NCAM2: variants seen among roughly 807,000 people sequenced by gnomAD.
NCAM2 encodes neural cell adhesion molecule 2.
A neutral mutation model predicts 98.1 loss-of-function variants in NCAM2; 30 were observed. The observed-to-expected ratio is 0.31, with a 90% CI of 0.23 to 0.41. The LOEUF is 0.41. Ranked by LOEUF, NCAM2 falls within the 10% of genes least tolerant of loss-of-function variation. The pLI, the probability that NCAM2 is intolerant of heterozygous loss-of-function variation, is 1.00. For synonymous variants in NCAM2, 368 were observed against 342.4 expected, an observed-to-expected ratio of 1.07 and a Z score of -0.83; for missense variants, 867 against 1,005.8, an observed-to-expected ratio of 0.86 and a Z score of 1.87.
At chr21:21,129,598 TG>T (rs1429264428) in intron 1 of NCAM2, among the ~76,000 whole-genome samples, 1 of 152,146 alleles carries the variant, frequency 6.6e-6, no homozygotes, top group Non-Finnish European at 1.5e-5. Context: ...ATTCAGCGTC[TG>T]GTGAGGGCTG....
chr21:21,505,703 G>T (rs989993700), intron 15 of NCAM2, among the ~76,000 whole-genome samples: 14 of 151,814 alleles, frequency 9.2e-5, no homozygotes, highest in African/African-American at 3.4e-4. Context: ...ATAGTTTAAT[G>T]TTTAACATTA....
At chr21:21,267,722 T>C (rs563443362) in intron 1 of NCAM2, among the ~76,000 whole-genome samples, 4 of 152,324 alleles carry the variant, frequency 2.6e-5, no homozygotes, top group Admixed American at 6.5e-5. Flanking sequence ...GAAGAGTTAC[T>C]ATTACAGCAT....
At chr21:21,054,617 T>C (rs2065177639) in intron 1 of NCAM2, among the ~76,000 whole-genome samples, 1 of 152,012 alleles carries the variant, frequency 6.6e-6, no homozygotes, top group South Asian at 2.1e-4. Context: ...AAAACACATG[T>C]AAATTGATTC....
At chr21:21,365,640 G>A (rs527907300) in intron 8 of NCAM2, among the ~76,000 whole-genome samples, 5 of 151,980 alleles carry the variant, frequency 3.3e-5, no homozygotes, top group South Asian at 2.1e-4. Flanking sequence ...AACACTACCC[G>A]ATCAATTGTT....
At chr21:21,518,471 T>G (rs1364082491) in intron 16 of NCAM2, among the ~76,000 whole-genome samples, 1 of 152,134 alleles carries the variant, frequency 6.6e-6, no homozygotes, top group African/African-American at 2.4e-5. Flanking sequence ...ATTTTTTGCT[T>G]TCTTCGTCAT....
chr21:21,454,026 A>C (rs187724180), intron 12 of NCAM2, among the ~76,000 whole-genome samples: 76 of 152,202 alleles, frequency 5.0e-4, no homozygotes, highest in Non-Finnish European at 7.8e-4. Context: ...TACCATGCCT[A>C]GGATTTCTAG....
intron 1 of NCAM2, among the ~76,000 whole-genome samples, chr21:21,008,612 G>A (rs956598400): frequency 1.3e-5 from 2 of 152,086 alleles, no homozygotes; most frequent in Admixed American, 6.6e-5. Flanking sequence ...ATATATTCCT[G>A]TTATGTTTCT....
At chr21:21,406,176 T>C (rs1331149982) in intron 9 of NCAM2, among the ~76,000 whole-genome samples, 2 of 152,080 alleles carry the variant, frequency 1.3e-5, no homozygotes, top group Non-Finnish European at 2.9e-5. Flanking sequence ...ACTATTGCAA[T>C]AGAAGAGAGA....
chr21:21,173,665 G>C (rs1214406733), intron 1 of NCAM2, among the ~76,000 whole-genome samples: 1 of 152,124 alleles, frequency 6.6e-6, no homozygotes, highest in African/African-American at 2.4e-5. Flanking sequence ...TAGACAGTTG[G>C]ATGTAAATAC....
intron 8 of NCAM2, among the ~76,000 whole-genome samples, chr21:21,368,560 C>A (rs1467685945): frequency 6.6e-6 from 1 of 151,830 alleles, no homozygotes; most frequent in African/African-American, 2.4e-5. Flanking sequence ...AAGGTGCTAG[C>A]AGGATGGATT....
At chr21:21,273,208 A>G (rs745860150) in intron 1 of NCAM2, among the ~76,000 whole-genome samples, 16 of 152,206 alleles carry the variant, frequency 1.1e-4, no homozygotes, top group Non-Finnish European at 2.1e-4. Context: ...AGATTGAAAT[A>G]TCTACCTTAT....
chr21:21,283,600 A>G (rs2072999959), intron 2 of NCAM2, among the ~76,000 whole-genome samples: 1 of 151,962 alleles, frequency 6.6e-6, no homozygotes. Context: ...CTCTTGGGAA[A>G]AGAGATTAGG....
At chr21:21,255,804 G>T (rs1449209035) in intron 1 of NCAM2, among the ~76,000 whole-genome samples, 1 of 152,122 alleles carries the variant, frequency 6.6e-6, no homozygotes, top group Non-Finnish European at 1.5e-5. Context: ...AGGCTGTGAT[G>T]ATTAGGTCTA....
At chr21:21,144,632 C>T (rs2067235874) in intron 1 of NCAM2, among the ~76,000 whole-genome samples, 1 of 151,654 alleles carries the variant, frequency 6.6e-6, no homozygotes, top group African/African-American at 2.4e-5. Flanking sequence ...GTTAATATTT[C>T]CATTCTTTTG....
intron 5 of NCAM2, among the ~76,000 whole-genome samples, chr21:21,316,032 A>G (rs2074210340): frequency 6.6e-6 from 1 of 152,188 alleles, no homozygotes; most frequent in Non-Finnish European, 1.5e-5. Context: ...TCAGATGCTT[A>G]CTTTTTTATT....
At chr21:21,156,549 A>G (rs2067616659) in intron 1 of NCAM2, among the ~76,000 whole-genome samples, 1 of 151,742 alleles carries the variant, frequency 6.6e-6, no homozygotes, top group African/African-American at 2.4e-5. Flanking sequence ...CAAAGTTTTT[A>G]CTATGGAAGT....
chr21:21,060,423 T>A (rs2065298212), intron 1 of NCAM2, among the ~76,000 whole-genome samples: 1 of 152,162 alleles, frequency 6.6e-6, no homozygotes, highest in African/African-American at 2.4e-5. Flanking sequence ...TTAGAAAAAC[T>A]ATTTTATCTA....
chr21:21,441,217 G>C (rs947510185), intron 12 of NCAM2, among the ~76,000 whole-genome samples: 1 of 152,040 alleles, frequency 6.6e-6, no homozygotes, highest in Admixed American at 6.6e-5. Flanking sequence ...AAAACTAAAA[G>C]ACAGTTATTA....
intron 1 of NCAM2, among the ~76,000 whole-genome samples, chr21:21,215,454 G>A (rs756429978): frequency 6.6e-6 from 1 of 152,022 alleles, no homozygotes; most frequent in Non-Finnish European, 1.5e-5. Flanking sequence ...AAGAGTATAT[G>A]TGTGCCTGTA....
Sources: allele counts gnomAD v4.1 joint callset (sites outside exome capture counted in the v4.1 genomes callset), GRCh38; gene constraint gnomAD v4.1.1; transcripts MANE v1.5; gene names NCBI Gene and HGNC (gene_info 2026-07-23, HGNC 2026-07-21).